ZC3H3: variants seen among roughly 807,000 people sequenced by gnomAD.
ZC3H3 encodes the protein zinc finger CCCH-type containing 3.
Under a neutral mutation model 77.3 loss-of-function variants are expected in ZC3H3, and 36 were observed. That is an observed-to-expected ratio of 0.47 (90% CI 0.36 to 0.61). The LOEUF is 0.61. Ranked by LOEUF, ZC3H3 falls within the 20% of genes least tolerant of loss-of-function variation. The pLI is 0.00. For synonymous variants in ZC3H3, 626 were observed against 555.2 expected (o/e 1.13, Z -1.79); for missense variants, 1,331 against 1,312.2 (o/e 1.01, Z -0.22).
chr8:143,440,216 TGAG>T lies in ZC3H3; in HGVS notation c.2637_2639del (p.Ser881del), dbSNP rs35759992. The stretch of plus-strand genomic sequence containing the variant: ...CGTGGTCCAAGGAAGCGGGAGGGGA[TGAG>T]GAGGAGGAGGAGGAGGAGGAAGCCT... On this transcript the variant is annotated inframe_deletion, in exon 11 of 12. Coordinates refer to ENST00000262577, the MANE Select transcript of ZC3H3 (RefSeq NM_015117.3). 6,356 of 1,423,436 alleles carry T rather than the reference TGAG, an allele frequency of 4.5e-3. No homozygotes were observed. Among genetic ancestry groups the T allele is most frequent in the South Asian group, 0.014 (980 of 72,228 alleles). The allele number at this position is 1,423,436 out of a possible 1,614,324, so 88.2% of individuals were successfully genotyped here.
rs1404351334 is a variant in ZC3H3 at position 143,441,046 on chromosome 8, C to T, written c.2382G>A (p.Gln794=). The T allele has an allele frequency of 2.7e-6, 4 of 1,489,020 alleles. No individual in the cohort carries two copies. The highest frequency in any genetic ancestry group is 1.5e-5 in the African/African-American group (1 of 68,012). 92.2% of individuals were successfully genotyped at this position (1,489,020 alleles called of 1,614,324 possible). Residue 794 remains glutamine, a synonymous_variant, in exon 10 of 12, where the codon CAG becomes CAA. Coordinates refer to ENST00000262577, the MANE Select transcript of ZC3H3 (RefSeq NM_015117.3). The part of the protein sequence containing the change: ...RGACPRGAQC[Q]LLHRTQKRHS... ...GGCGTTTCTGGGTACGGTGGAGCAG[C>T]TGGCACTGGGCGCCGCGGGGACACG... is the stretch of plus-strand genomic sequence containing the variant.
chr8:143,455,211 G>A (rs1334726831), intron 9 of ZC3H3, among the ~76,000 whole-genome samples: 1 of 152,106 alleles, frequency 6.6e-6, no homozygotes, highest in Non-Finnish European at 1.5e-5. Flanking sequence ...CTACTCAGGA[G>A]GCTGAAAAAG....
In ZC3H3 at chr8:143,539,282, GGGC is replaced by G; in HGVS notation, c.82_84del (p.Ala28del). 2 of 1,612,418 alleles carry G rather than the reference GGGC, an allele frequency of 1.2e-6. No homozygotes were observed. The highest frequency in any genetic ancestry group is 1.7e-6 in the Non-Finnish European group (2 of 1,179,868). On this transcript the variant is annotated inframe_deletion, in exon 2 of 12. Transcript: ENST00000262577. Reference sequence around the variant, plus strand: ...GAAGCTGCTGGGGTACCAGGGGCCGGGGCATTGCCGTGGAGGGTTTTGTAGTCA... The same window carrying G: ...GAAGCTGCTGGGGTACCAGGGGCCGGATTGCCGTGGAGGGTTTTGTAGTCA...
chr8:143,516,627 C>A (rs561354711), intron 3 of ZC3H3, among the ~76,000 whole-genome samples: 2 of 152,024 alleles, frequency 1.3e-5, no homozygotes, highest in Admixed American at 6.5e-5. Context: ...TGCAGAGGAC[C>A]CCAGCCCCGA....
At position 143,460,068 on chromosome 8, in the gene ZC3H3, T is replaced by A. The variant is rs1384990490; in HGVS notation, c.2307+5649A>T. 5.9e-4 allele frequency among the ~76,000 whole-genome samples: 90 copies of A among 151,926 alleles called. No individual in the cohort carries two copies. The highest frequency in any genetic ancestry group is 1.9e-3 in the African/African-American group (80 of 41,340). The stretch of plus-strand genomic sequence containing the variant: ...TTGAGACCAGCCTGGCCCCATGGTG[T>A]GACCCTGTCTCTACTAAAAACACAA... On this transcript the variant is annotated intron_variant, in intron 9 of 11. Transcript: ENST00000262577. This position sits in a 1 kb window ranked among gnomAD's most constrained non-coding sequence, Gnocchi z 4.0.
chr8:143,438,683 C>T (rs966368767), intron 11 of ZC3H3, among the ~76,000 whole-genome samples: 1 of 152,168 alleles, frequency 6.6e-6, no homozygotes, highest in Non-Finnish European at 1.5e-5. Context: ...TGGGTGCCAG[C>T]GCCTCTCCTC....
At position 143,538,837 on chromosome 8, in the gene ZC3H3, G is replaced by C. The variant is rs547169616; in HGVS notation, c.530C>G (p.Thr177Arg). 31 of 1,612,190 alleles carry C rather than the reference G, an allele frequency of 1.9e-5. No individual in the cohort carries two copies. Among genetic ancestry groups the C allele is most frequent in the East Asian group, 4.5e-5 (2 of 44,892 alleles). Reference sequence around the variant, plus strand: ...CACACTGCAGGTCCCCCTGGCTCTTGTTGGCCTCGAGGGCTGCAGCTGTCC... The same window carrying C: ...CACACTGCAGGTCCCCCTGGCTCTTCTTGGCCTCGAGGGCTGCAGCTGTCC... ...PRGQLQPSRP[T>R]RARGTCSVED... The change falls in exon 2 of 12, where the codon ACA (threonine) becomes AGA (arginine). Residue 177 changes from threonine to arginine, a missense_variant. Around this residue, in one of 3 missense-constraint regions of ZC3H3, gnomAD observed 978 missense variants for 915.5 expected, o/e 1.07. Coordinates refer to ENST00000262577, the MANE Select transcript of ZC3H3 (RefSeq NM_015117.3).
At chr8:143,451,279 A>G (rs1819981242) in intron 9 of ZC3H3, among the ~76,000 whole-genome samples, 1 of 152,218 alleles carries the variant, frequency 6.6e-6, no homozygotes, top group Non-Finnish European at 1.5e-5. Context: ...GAAAAGGAGC[A>G]AGCAACAAAG....
At chr8:143,441,847 C>T (rs1398707648) in intron 9 of ZC3H3, among the ~76,000 whole-genome samples, 1 of 152,188 alleles carries the variant, frequency 6.6e-6, no homozygotes, top group African/African-American at 2.4e-5. Flanking sequence ...TGCCTCGTGC[C>T]CAAGGCCTTT....
intron 3 of ZC3H3, among the ~76,000 whole-genome samples, chr8:143,520,076 G>A (rs560090760): frequency 2.6e-5 from 4 of 152,352 alleles, no homozygotes; most frequent in South Asian, 2.1e-4. Flanking sequence ...CTTCTTCGGG[G>A]CTCAAGGAGG....
At chr8:143,481,655 C>T (rs894508126) in intron 4 of ZC3H3, among the ~76,000 whole-genome samples, 4 of 152,234 alleles carry the variant, frequency 2.6e-5, no homozygotes, top group African/African-American at 7.2e-5. Flanking sequence ...CAGACAGGGA[C>T]GATGGGGACC....
chr8:143,485,705 T>C (rs1821033049), intron 4 of ZC3H3, among the ~76,000 whole-genome samples: 1 of 152,240 alleles, frequency 6.6e-6, no homozygotes, highest in African/African-American at 2.4e-5. Flanking sequence ...GGTCCCTCGC[T>C]GTAAGCAGAC....
chr8:143,517,468 G>A (rs1169329858), intron 3 of ZC3H3, among the ~76,000 whole-genome samples: 2 of 152,192 alleles, frequency 1.3e-5, no homozygotes, highest in Admixed American at 1.3e-4. Flanking sequence ...AGCAGGTGGG[G>A]TAGGCTCGGG....
chr8:143,508,811 C>T (rs1202936454), intron 3 of ZC3H3, among the ~76,000 whole-genome samples: 1 of 152,058 alleles, frequency 6.6e-6, no homozygotes, highest in Admixed American at 6.5e-5. Flanking sequence ...CAGTGCCCAG[C>T]TTCCCCTGTG....
Position 143,495,573 on chromosome 8 carries a change from T to C in ZC3H3, c.1715+12173A>G, listed in dbSNP as rs145382720. 2.4e-3 allele frequency among the ~76,000 whole-genome samples: 366 copies of C among 152,146 alleles called. 2 individuals are homozygous for C. The highest frequency in any genetic ancestry group is 8.2e-3 in the African/African-American group (339 of 41,500). ...ACGAGGTATGCGTTGCGCAGGTGCA[T>C]GCGTTTTGGGGTTTCTGTTGTTGTT... On this transcript the variant is annotated intron_variant, in intron 4 of 11. Coordinates refer to ENST00000262577, the MANE Select transcript of ZC3H3 (RefSeq NM_015117.3).
In ZC3H3 at chr8:143,485,880, G is replaced by T. The variant is rs114979559; in HGVS notation, c.1716-10295C>A. 8.4e-3 allele frequency among the ~76,000 whole-genome samples: 1,284 copies of T among 152,370 alleles called. 16 individuals carry two copies. Among genetic ancestry groups the T allele is most frequent in the African/African-American group, 0.029 (1,222 of 41,580 alleles). On this transcript the variant is annotated intron_variant, in intron 4 of 11. Coordinates refer to ENST00000262577, the MANE Select transcript of ZC3H3 (RefSeq NM_015117.3). ...AGATGCCCAGCAATGCCAGCCAGCG[G>T]GATGGGCGTGAGGCCCCACACCCCC...
chr8:143,463,177 G>T (rs1289960155), intron 9 of ZC3H3, among the ~76,000 whole-genome samples: 1 of 152,108 alleles, frequency 6.6e-6, no homozygotes, highest in East Asian at 1.9e-4. Context: ...TAGAGATGGG[G>T]TTTCACCATG....
chr8:143,452,091 A>G (rs949826774), intron 9 of ZC3H3, among the ~76,000 whole-genome samples: 6 of 152,244 alleles, frequency 3.9e-5, no homozygotes, highest in African/African-American at 1.2e-4. Context: ...CTCGGGCAAC[A>G]GCCATCTATT....
intron 4 of ZC3H3, among the ~76,000 whole-genome samples, chr8:143,486,125 G>A (rs1279248326): frequency 6.6e-6 from 1 of 152,244 alleles, no homozygotes; most frequent in Non-Finnish European, 1.5e-5. Flanking sequence ...TGGCAAGGAT[G>A]GGAGAGACTC....
Sources: gnomAD v4.1 joint callset for allele counts (sites outside exome capture counted in the v4.1 genomes callset) on GRCh38, gnomAD v4.1.1 for gene constraint, gnomAD v4.1.1 regional missense constraint, Gnocchi (gnomAD v3.1) non-coding constraint, MANE v1.5 for transcripts, NCBI Gene and HGNC (gene_info 2026-07-23, HGNC 2026-07-21) for gene names.